ELMO1: variants seen among roughly 807,000 people sequenced by gnomAD.
ELMO1 encodes the protein engulfment and cell motility protein 1.
Under a neutral mutation model 98.9 loss-of-function variants are expected in ELMO1, and 26 were observed. That is an observed-to-expected ratio of 0.26 (90% CI 0.19 to 0.36). The LOEUF (loss-of-function observed/expected upper bound fraction) is 0.36. ELMO1 is among the 10% of genes least tolerant of loss of function. The pLI, the probability that ELMO1 is intolerant of heterozygous loss-of-function variation, is 1.00. For missense variants in ELMO1, 627 were observed against 935.2 expected (o/e 0.67, Z 4.30); for synonymous variants, 346 against 346.0 (o/e 1.00, Z 0.00).
chr7:37,387,790 GCTTTATTTATC>G (rs2131407563), intron 1 of ELMO1, among the ~76,000 whole-genome samples: 1 of 152,258 alleles, frequency 6.6e-6, no homozygotes, highest in East Asian at 1.9e-4. Flanking sequence ...CAATCTGTTT[GCTTTATTTATC>G]CTAGTGTCTC....
rs188933111 is a variant in ELMO1, at chr7:37,169,173, C to T, written c.1087-35939G>A. ...TGCGGGATATAATCTCCTGGTGCGC[C>T]GTTTTTTAAGCCTGTTGGAAAAGCG... is the stretch of plus-strand genomic sequence containing the variant. On this transcript the variant is annotated intron_variant, in intron 13 of 21. Coordinates refer to ENST00000310758, the MANE Select transcript of ELMO1 (RefSeq NM_014800.11). 7.9e-5 allele frequency among the ~76,000 whole-genome samples: 12 copies of T among 152,224 alleles called. No individual in the cohort carries two copies. The East Asian group carries it at 2.3e-3, about 30-fold the overall frequency.
intron 18 of ELMO1, among the ~76,000 whole-genome samples, chr7:36,882,482 C>T (rs1804554466): frequency 6.6e-6 from 1 of 152,238 alleles, no homozygotes; most frequent in Non-Finnish European, 1.5e-5. Context: ...CCTCACTTCA[C>T]TGAGCTTTCT....
At chr7:37,284,617 C>T (rs1386530229) in intron 4 of ELMO1, among the ~76,000 whole-genome samples, 1 of 152,116 alleles carries the variant, frequency 6.6e-6, no homozygotes, top group Non-Finnish European at 1.5e-5. Flanking sequence ...GGCTATATGC[C>T]TTTGCTCCCA....
chr7:37,303,763 T>A (rs1040766620), intron 4 of ELMO1, among the ~76,000 whole-genome samples: 2 of 152,344 alleles, frequency 1.3e-5, no homozygotes, highest in African/African-American at 4.8e-5. Context: ...ATTAGTTTCA[T>A]AGCTGAACTG....
rs570723581 is a variant in ELMO1, at chr7:37,408,230, T to C, written c.-74+40445A>G. On this transcript the variant is annotated intron_variant, in intron 1 of 21. Transcript: ENST00000310758. The stretch of plus-strand genomic sequence containing the variant: ...AATAGAAAGCCTGGCAGAGGTTTAA[T>C]TCTAATCACAACCGGTTACACAATA... 3.9e-5 allele frequency among the ~76,000 whole-genome samples: 6 copies of C among 152,338 alleles called. No individual in the cohort carries two copies. The South Asian group carries it at 1.2e-3, about 32-fold the overall frequency.
intron 13 of ELMO1, among the ~76,000 whole-genome samples, chr7:37,173,180 T>G (rs1365454878): frequency 6.6e-6 from 1 of 152,250 alleles, no homozygotes; most frequent in Non-Finnish European, 1.5e-5. Flanking sequence ...GCAAACTCAC[T>G]TAACTCTAGA....
intron 16 of ELMO1, among the ~76,000 whole-genome samples, chr7:36,972,657 C>T (rs141015232): frequency 6.6e-6 from 1 of 152,328 alleles, no homozygotes; most frequent in African/African-American, 2.4e-5. Flanking sequence ...ACTAGTCACA[C>T]TGGATTAGGG....
chr7:37,287,817 A>C (rs544875357), intron 4 of ELMO1, among the ~76,000 whole-genome samples: 8 of 152,130 alleles, frequency 5.3e-5, no homozygotes, highest in Non-Finnish European at 8.8e-5. Context: ...CTTCCAGCTC[A>C]CTATCCTGTT....
At chr7:37,125,362 G>C (rs1487128210) in intron 14 of ELMO1, among the ~76,000 whole-genome samples, 11 of 152,132 alleles carry the variant, frequency 7.2e-5, no homozygotes, top group Middle Eastern at 6.8e-3. Context: ...CTACAGAATG[G>C]GAGAAAATTT....
At chr7:36,955,850 T>C (rs1487986204) in intron 16 of ELMO1, among the ~76,000 whole-genome samples, 1 of 152,220 alleles carries the variant, frequency 6.6e-6, no homozygotes. Context: ...CAAAGTCCAG[T>C]TCAGATATCT....
At chr7:37,024,693 T>C (rs1174142426) in intron 15 of ELMO1, among the ~76,000 whole-genome samples, 4 of 152,220 alleles carry the variant, frequency 2.6e-5, no homozygotes, top group Admixed American at 1.3e-4. Flanking sequence ...TCTTGTAGAA[T>C]TGACTGAAGA....
chr7:36,935,228 T>C (rs570707481), intron 16 of ELMO1, among the ~76,000 whole-genome samples: 1 of 152,168 alleles, frequency 6.6e-6, no homozygotes, highest in Non-Finnish European at 1.5e-5. Flanking sequence ...TTTGCTTGGC[T>C]CTTACTCTTC....
At chr7:36,867,853 T>C (rs746316256) in intron 20 of ELMO1, among the ~76,000 whole-genome samples, 3 of 152,208 alleles carry the variant, frequency 2.0e-5, no homozygotes, top group African/African-American at 2.4e-5. Context: ...TTTAATTCCA[T>C]TGTGATTTGA....
chr7:37,410,114 C>T (rs527249035), intron 1 of ELMO1, among the ~76,000 whole-genome samples: 1 of 152,328 alleles, frequency 6.6e-6, no homozygotes, highest in Non-Finnish European at 1.5e-5. Context: ...CTTCCGACTT[C>T]CTTTACAATT....
chr7:36,987,056 C>T (rs1185934510), intron 16 of ELMO1, among the ~76,000 whole-genome samples: 2 of 152,108 alleles, frequency 1.3e-5, no homozygotes, highest in Non-Finnish European at 1.5e-5. Context: ...CCTAGCCAAC[C>T]TTTGGAATGA....
At chr7:36,919,838 C>T (rs535991478) in intron 16 of ELMO1, among the ~76,000 whole-genome samples, 4 of 152,268 alleles carry the variant, frequency 2.6e-5, no homozygotes, top group African/African-American at 9.6e-5. Flanking sequence ...AATAAAACAA[C>T]CTGTCTAATC....
In ELMO1 at chr7:37,211,423, G is replaced by C. The variant is rs1304643674; in HGVS notation, c.1049C>G (p.Ser350Cys). The C allele has an allele frequency of 1.2e-6, 2 of 1,614,070 alleles. No individual in the cohort carries two copies. The highest frequency in any genetic ancestry group is 8.5e-7 in the Non-Finnish European group (1 of 1,179,984). Reference sequence around the variant, plus strand: ...CTTCTTATAATCTCGCGTGTACATGGACTTGCGTTTCTCCATGCTGCCACT... The same window carrying C: ...CTTCTTATAATCTCGCGTGTACATGCACTTGCGTTTCTCCATGCTGCCACT... ...NSSGSMEKRK[S>C]MYTRDYKKLG... Residue 350 changes from serine (S) to cysteine (C), a missense_variant, in exon 13 of 22, where the codon TCC becomes TGC. Around this residue, in one of 3 missense-constraint regions of ELMO1, gnomAD observed 492 missense variants for 715.6 expected, o/e 0.69. Coordinates refer to ENST00000310758, the MANE Select transcript of ELMO1 (RefSeq NM_014800.11).
At chr7:37,072,983 C>A (rs1330779786) in intron 15 of ELMO1, among the ~76,000 whole-genome samples, 1 of 152,180 alleles carries the variant, frequency 6.6e-6, no homozygotes, top group African/African-American at 2.4e-5. Context: ...GGGCCAGAAA[C>A]ATCAAAGGAA....
At chr7:37,354,225 T>C (rs1801403539) in intron 1 of ELMO1, among the ~76,000 whole-genome samples, 2 of 152,196 alleles carry the variant, frequency 1.3e-5, no homozygotes, top group Admixed American at 1.3e-4. Context: ...AGCAACTCAA[T>C]ATTTTCCAGA....
Sources: allele counts gnomAD v4.1 joint callset (sites outside exome capture counted in the v4.1 genomes callset), GRCh38; gene constraint gnomAD v4.1.1; regional missense constraint gnomAD v4.1.1; transcripts MANE v1.5; gene names NCBI Gene and HGNC (gene_info 2026-07-23, HGNC 2026-07-21).